Variants in NXPH1 observed in about 807,000 individuals in gnomAD.
NXPH1 encodes neurexophilin 1.
NXPH1 carries 5 observed loss-of-function variants against 23.7 expected under a neutral mutation model. The observed-to-expected ratio is 0.21, with a 90% confidence interval of 0.11 to 0.44. NXPH1 has a LOEUF of 0.44. Ranked by LOEUF, NXPH1 falls within the 20% of genes least tolerant of loss-of-function variation. The pLI, the probability that NXPH1 is intolerant of heterozygous loss-of-function variation, is 0.99. For missense variants in NXPH1, 324 were observed against 321.6 expected (o/e 1.01, Z -0.06); for synonymous variants, 144 against 122.2 (o/e 1.18, Z -1.18).
rs1197824483 is a variant in NXPH1, at chr7:8,660,768, A to G, written c.55-90240A>G. 2.0e-5 allele frequency among the ~76,000 whole-genome samples: 3 copies of G among 152,206 alleles called. No individual in the cohort carries two copies. The East Asian group carries it at 5.8e-4, about 29-fold the overall frequency. On this transcript the variant is annotated intron_variant, in intron 2 of 2. Transcript: ENST00000405863. Reference sequence around the variant, plus strand: ...ATTCACAATCTTTCCAATAATAGATATGTTAATTTTTTATGACACTGTACA... The same window carrying G: ...ATTCACAATCTTTCCAATAATAGATGTGTTAATTTTTTATGACACTGTACA...
Position 8,715,601 on chromosome 7 carries a change from C to T in NXPH1, c.55-35407C>T, listed in dbSNP as rs530898650. ...AATCAGTTATAAAAAGGCAAAAATG[C>T]CAAAGTTATTGTTTCTTAATTAAAA... is the stretch of plus-strand genomic sequence containing the variant. On this transcript the variant is annotated intron_variant, in intron 2 of 2. Coordinates refer to ENST00000405863, the MANE Select transcript of NXPH1 (RefSeq NM_152745.3). 3.3e-5 allele frequency among the ~76,000 whole-genome samples: 5 copies of T among 152,106 alleles called. No homozygotes were observed. The South Asian group carries it at 1.0e-3, about 32-fold the overall frequency.
At chr7:8,739,170 G>GGAAAAAAA (rs200123331) in intron 2 of NXPH1, among the ~76,000 whole-genome samples, 1 of 55,586 alleles carries the variant, frequency 1.8e-5, no homozygotes, top group Non-Finnish European at 3.1e-5. Context: ...CACCAGTGGG[G>GGAAAAAAA]TAAAAAAAAA....
chr7:8,747,233 C>T (rs1005020467), intron 2 of NXPH1, among the ~76,000 whole-genome samples: 1 of 152,310 alleles, frequency 6.6e-6, no homozygotes, highest in Non-Finnish European at 1.5e-5. Flanking sequence ...TTCAGGCAGT[C>T]TGACTCCAGA....
At chr7:8,604,186 A>G (rs1168782147) in intron 2 of NXPH1, among the ~76,000 whole-genome samples, 1 of 152,196 alleles carries the variant, frequency 6.6e-6, no homozygotes, top group African/African-American at 2.4e-5. Flanking sequence ...TACATTTAGA[A>G]TGATATAAGA....
chr7:8,478,836 T>C (rs1817024769), intron 2 of NXPH1, among the ~76,000 whole-genome samples: 1 of 151,554 alleles, frequency 6.6e-6, no homozygotes, highest in Non-Finnish European at 1.5e-5. Flanking sequence ...CAAAATGGAG[T>C]AACATACTTA....
At chr7:8,446,278 T>G (rs1265619780) in intron 2 of NXPH1, among the ~76,000 whole-genome samples, 1 of 152,212 alleles carries the variant, frequency 6.6e-6, no homozygotes, top group African/African-American at 2.4e-5. Flanking sequence ...GGGTTGTCCC[T>G]TCTTTTATGT....
At chr7:8,467,566 T>C (rs1418611425) in intron 2 of NXPH1, among the ~76,000 whole-genome samples, 2 of 152,208 alleles carry the variant, frequency 1.3e-5, no homozygotes, top group Non-Finnish European at 2.9e-5. Flanking sequence ...AGTAGATATA[T>C]AAGTTAAGTG....
intron 2 of NXPH1, among the ~76,000 whole-genome samples, chr7:8,657,878 A>T (rs948311577): frequency 2.0e-5 from 3 of 152,128 alleles, no homozygotes; most frequent in Non-Finnish European, 4.4e-5. Flanking sequence ...AAATGCAAAA[A>T]TTAGCTGGGT....
intron 2 of NXPH1, among the ~76,000 whole-genome samples, chr7:8,661,726 C>T (rs1820677395): frequency 6.6e-6 from 1 of 151,974 alleles, no homozygotes; most frequent in Non-Finnish European, 1.5e-5. Context: ...TAGAAATAAC[C>T]AAGGGGAGAT....
intron 2 of NXPH1, among the ~76,000 whole-genome samples, chr7:8,724,721 T>C (rs1780021103): frequency 6.6e-6 from 1 of 152,222 alleles, no homozygotes; most frequent in African/African-American, 2.4e-5. Context: ...ACCAAGGATA[T>C]TTTTTCTTTT....
chr7:8,529,327 G>A (rs576780811), intron 2 of NXPH1, among the ~76,000 whole-genome samples: 1 of 152,220 alleles, frequency 6.6e-6, no homozygotes, highest in African/African-American at 2.4e-5. Context: ...GCACCAGGGG[G>A]CCAAAATTCT....
intron 2 of NXPH1, among the ~76,000 whole-genome samples, chr7:8,729,237 T>C (rs1320662946): frequency 6.6e-6 from 1 of 150,688 alleles, no homozygotes; most frequent in Non-Finnish European, 1.5e-5. Flanking sequence ...TCTTTTTTTC[T>C]TTCTTAGTCT....
intron 2 of NXPH1, among the ~76,000 whole-genome samples, chr7:8,747,731 C>T (rs1006118146): frequency 3.3e-5 from 5 of 152,108 alleles, no homozygotes; most frequent in Admixed American, 3.3e-4. Flanking sequence ...TAGGCAAGTG[C>T]AGATTCAGAT....
chr7:8,453,250 A>G (rs113015062), intron 2 of NXPH1, among the ~76,000 whole-genome samples: 5,768 of 152,292 alleles, frequency 0.038, 147 homozygotes, highest in Middle Eastern at 0.054. Context: ...ACCCTCTCCA[A>G]TGAGCTGAAC....
intron 2 of NXPH1, among the ~76,000 whole-genome samples, chr7:8,732,941 A>C (rs549522262): frequency 7.9e-4 from 120 of 152,310 alleles, no homozygotes; most frequent in Non-Finnish European, 1.4e-3. Flanking sequence ...GATTTGTTAC[A>C]TAGGTATACA....
intron 2 of NXPH1, among the ~76,000 whole-genome samples, chr7:8,446,161 G>A (rs1268167034): frequency 6.6e-6 from 1 of 152,322 alleles, no homozygotes; most frequent in South Asian, 2.1e-4. Flanking sequence ...ATCAATAGTT[G>A]TAAATGGTTC....
At chr7:8,568,647 CAAAA>C (rs79150555) in intron 2 of NXPH1, among the ~76,000 whole-genome samples, 1,464 of 108,624 alleles carry the variant, frequency 0.013, 25 homozygotes, top group African/African-American at 0.036. Flanking sequence ...TCATTCTTAG[CAAAA>C]AAAAAAAAAA....
rs560771952 is a variant in NXPH1, at chr7:8,673,023, C to T, written c.55-77985C>T. ...TACATATCTCCATCTAAAACACTGA[C>T]ATAATTTCTGTTACAAAACGAGGTG... On this transcript the variant is annotated intron_variant, in intron 2 of 2. Coordinates refer to ENST00000405863, the MANE Select transcript of NXPH1 (RefSeq NM_152745.3). Among the ~76,000 whole-genome samples, 30 of 152,218 alleles carry T rather than the reference C, an allele frequency of 2.0e-4. No individual in the cohort carries two copies. The South Asian group carries it at 5.8e-3, about 29-fold the overall frequency.
At chr7:8,664,416 CT>C (rs1409907076) in intron 2 of NXPH1, among the ~76,000 whole-genome samples, 1 of 152,046 alleles carries the variant, frequency 6.6e-6, no homozygotes, top group Non-Finnish European at 1.5e-5. Context: ...TCCCACTGCC[CT>C]TCTGAAATTG....
Sources: gnomAD v4.1 joint callset for allele counts (sites outside exome capture counted in the v4.1 genomes callset) on GRCh38, gnomAD v4.1.1 for gene constraint, MANE v1.5 for transcripts, NCBI Gene and HGNC (gene_info 2026-07-23, HGNC 2026-07-21) for gene names.